The following ACAP3 variants were observed in gnomAD, a reference collection of about 807,000 sequenced individuals.
ACAP3 encodes arf-GAP with coiled-coil, ANK repeat and PH domain-containing protein 3.
ACAP3 carries 56 observed loss-of-function variants against 104.1 expected under a neutral mutation model. The ratio of observed to expected loss-of-function variants is 0.54; its 90% confidence interval spans 0.43 to 0.67. ACAP3 has a LOEUF of 0.67. Ranked by LOEUF, ACAP3 falls within the 30% of genes least tolerant of loss-of-function variation. The pLI, the probability that ACAP3 is intolerant of heterozygous loss-of-function variation, is 0.00. For missense variants in ACAP3, 1,208 were observed against 1,174.9 expected, an observed-to-expected ratio of 1.03 and a Z score of -0.41; for synonymous variants, 628 against 496.2, an observed-to-expected ratio of 1.27 and a Z score of -3.53.
intron 12 of ACAP3, 95 bp from the exon 13 acceptor site, chr1:1,298,208 C>CTT: frequency 6.4e-7 from 1 of 1,565,958 alleles, no homozygotes; most frequent in South Asian, 1.2e-5. Flanking sequence ...AGGCCGACTG[C>CTT]CTGAGCCCCA....
intron 11 of ACAP3, 26 bp from the exon 12 acceptor site, chr1:1,298,447 G>A (rs1292133412): frequency 1.3e-6 from 2 of 1,595,204 alleles, no homozygotes; most frequent in Admixed American, 1.7e-5. Flanking sequence ...GATGTGGGGA[G>A]TCAGGCGGGG....
At position 1,295,434 on chromosome 1, in the gene ACAP3, A is replaced by G. The variant is rs779263978; in HGVS notation, c.1813+13T>C. The stretch of plus-strand genomic sequence containing the variant: ...CCTGCCCTGCCACCTGGCTGGGCCC[A>G]CCCCACACTTACTGCGAGGGCCAGC... On this transcript the variant is annotated intron_variant, in intron 19 of 23. Coordinates refer to ENST00000354700, the MANE Select transcript of ACAP3 (RefSeq NM_030649.3). The G allele has an allele frequency of 1.1e-5, 18 of 1,611,006 alleles. No homozygotes were observed. The highest frequency in any genetic ancestry group is 1.5e-5 in the Non-Finnish European group (18 of 1,179,000).
chr1:1,292,893 T>C lies in ACAP3; in HGVS notation c.*671A>G, dbSNP rs900420154. 2.0e-5 allele frequency: 3 copies of C among 152,268 alleles called. No individual in the cohort carries two copies. The highest frequency in any genetic ancestry group is 2.9e-5 in the Non-Finnish European group (2 of 68,078). 9.4% of individuals were successfully genotyped at this position (152,268 alleles called of 1,614,324 possible). ...GCTGCAAAGTGGCAAAGTGGCTTTATGCGCAGGCTCTGGGCCGAGTACCAG... is the reference window on the plus strand; with the variant it reads ...GCTGCAAAGTGGCAAAGTGGCTTTACGCGCAGGCTCTGGGCCGAGTACCAG... On this transcript the variant is annotated 3_prime_UTR_variant, in exon 24 of 24. Transcript: ENST00000354700.
Position 1,295,505 on chromosome 1 carries a change from G to C in ACAP3, c.1755C>G (p.Asp585Glu). 1 of 1,612,644 alleles carries C rather than the reference G, an allele frequency of 6.2e-7. No homozygotes were observed. Among genetic ancestry groups the C allele is most frequent in the South Asian group, 1.1e-5 (1 of 91,076 alleles). The stretch of plus-strand genomic sequence containing the variant: ...AGTAGGAGAAGAGCGAGTCCAGCTC[G>C]TCGGGACAGAAGAGGGAGTCTCGGC... Reference protein sequence around the residue: ...KFRRDSLFCPDELDSLFSYFD... With the variant: ...KFRRDSLFCPEELDSLFSYFD... Residue 585 changes from aspartate (D) to glutamate (E), a missense_variant, in exon 19 of 24, where the codon GAC becomes GAG. Asp to Glu is a conservative substitution (Grantham distance 45, BLOSUM62 2). Coordinates refer to ENST00000354700, the MANE Select transcript of ACAP3 (RefSeq NM_030649.3).
In ACAP3 at chr1:1,303,582, G is replaced by A; in HGVS notation, c.106-301C>T. On this transcript the variant is annotated intron_variant, in intron 2 of 23. Transcript: ENST00000354700. This position sits in a 1 kb window ranked among gnomAD's most constrained non-coding sequence, Gnocchi z 4.0. The stretch of plus-strand genomic sequence containing the variant: ...CCATGTGGGGCTCATGGATAAGGCT[G>A]CCCACTCCCAGCTCCACGGCCTGTT... 1 of 509,162 alleles carries A rather than the reference G, an allele frequency of 2.0e-6. No individual in the cohort carries two copies. The highest frequency in any genetic ancestry group is 2.2e-5 in the South Asian group (1 of 44,702). 31.5% of individuals were successfully genotyped at this position (509,162 alleles called of 1,614,324 possible).
rs909244644 is a variant in ACAP3 at position 1,293,518 on chromosome 1, G to C, written c.*46C>G. 7.2e-7 allele frequency: 1 copy of C among 1,393,834 alleles called. No homozygotes were observed. The highest frequency in any genetic ancestry group is 9.2e-7 in the Non-Finnish European group (1 of 1,083,530). 86.3% of individuals were successfully genotyped at this position (1,393,834 alleles called of 1,614,324 possible). A position where few individuals can be genotyped will look rare whatever the true frequency, so the allele number is the denominator to read the frequency against. On this transcript the variant is annotated 3_prime_UTR_variant, in exon 24 of 24. Coordinates refer to ENST00000354700, the MANE Select transcript of ACAP3 (RefSeq NM_030649.3). ...GGGCGCCAGGGACTTCGGGGCATGC[G>C]GGGCGTCGGGCCGGGCGGGGTGGCA... is the stretch of plus-strand genomic sequence containing the variant.
chr1:1,305,303 G>A (rs753371932), intron 1 of ACAP3: 1 of 153,262 alleles, frequency 6.5e-6, no homozygotes, highest in Non-Finnish European at 1.5e-5. Context: ...TCGCTGTGGT[G>A]TCCGCTGACC....
At chr1:1,304,064 GC>G in intron 2 of ACAP3, 21 bp downstream of exon 2, 1 of 1,550,394 alleles carries the variant, frequency 6.4e-7, no homozygotes. Flanking sequence ...CGGGCACAGG[GC>G]GCTCCAGGCC....
intron 1 of ACAP3, 66 bp from the exon 2 acceptor site, chr1:1,304,209 C>A (rs1641581543): frequency 6.5e-7 from 1 of 1,536,550 alleles, no homozygotes; most frequent in Admixed American, 2.0e-5. Flanking sequence ...TTCACCTCCC[C>A]CCGCACCTCC....
rs114309902 is a variant in ACAP3, at chr1:1,306,783, C to T, written c.47+986G>A. ...TTCAAGGAGACACTGCACAGACACG[C>T]ATCAACATGTGTACCTAGTGATGGA... is the stretch of plus-strand genomic sequence containing the variant. On this transcript the variant is annotated intron_variant, in intron 1 of 23. Coordinates refer to ENST00000354700, the MANE Select transcript of ACAP3 (RefSeq NM_030649.3). Among the ~76,000 whole-genome samples the T allele has an allele frequency of 5.3e-3, 805 of 152,386 alleles. 4 individuals are homozygous for T. The highest frequency in any genetic ancestry group is 0.019 in the African/African-American group (783 of 41,594).
At chr1:1,298,765 G>T in intron 10 of ACAP3, 86 bp from the exon 11 acceptor site, 1 of 1,036,252 alleles carries the variant, frequency 9.7e-7, no homozygotes, top group Non-Finnish European at 1.5e-6. Flanking sequence ...GTGGGGGTGA[G>T]GTCCTTGTCT....
chr1:1,304,484 A>G, intron 1 of ACAP3: 1 of 452,024 alleles, frequency 2.2e-6, no homozygotes, highest in Non-Finnish European at 4.1e-6. Context: ...CTAGGAGTTC[A>G]GAGTCAACCC....
In ACAP3 at chr1:1,295,544, C is replaced by T; in HGVS notation, c.1716G>A (p.Leu572=). ...GGGAGTCTCGGCGGAACTTACGATC[C>T]AGGGTGCCCACTGCAGGGGCAGTGC... ...CVAALSSVGT[L]DRKFRRDSLF... is the part of the protein sequence containing the mutation. The change falls in exon 19 of 24, where the codon CTG becomes CTA. Residue 572 remains leucine (L), a synonymous_variant. Transcript: ENST00000354700. 2 of 1,612,550 alleles carry T rather than the reference C, an allele frequency of 1.2e-6. No homozygotes were observed. The highest frequency in any genetic ancestry group is 1.7e-6 in the Non-Finnish European group (2 of 1,179,856).
chr1:1,304,783 G>C (rs143249917), intron 1 of ACAP3: 2 of 152,982 alleles, frequency 1.3e-5, no homozygotes, highest in Non-Finnish European at 2.9e-5. Context: ...TGCCTGGGGA[G>C]AGAAGAGTTA....
Position 1,296,294 on chromosome 1 carries a change from G to C in ACAP3, c.1338-14C>G. On this transcript the variant is annotated splice_polypyrimidine_tract_variant and intron_variant, in intron 15 of 23. Transcript: ENST00000354700. The stretch of plus-strand genomic sequence containing the variant: ...ACACCCAGGCTCCTGGAGAGCAGAG[G>C]TAGGGATGAGTCTGGGGGAGGCAAG... 6.4e-7 allele frequency: 1 copy of C among 1,553,666 alleles called. No individual in the cohort carries two copies. Among genetic ancestry groups the C allele is most frequent in the Non-Finnish European group, 8.7e-7 (1 of 1,148,862 alleles).
At position 1,300,675 on chromosome 1, in the gene ACAP3, T is replaced by C; in HGVS notation, c.356A>G (p.Lys119Arg). 2 of 1,608,048 alleles carry C rather than the reference T, an allele frequency of 1.2e-6. No homozygotes were observed. Among genetic ancestry groups the C allele is most frequent in the Admixed American group, 1.7e-5 (1 of 58,964 alleles). Residue 119 changes from lysine to arginine, a missense_variant, in exon 6 of 24, where the codon AAG becomes AGG. Lys to Arg is a conservative substitution (Grantham distance 26). Transcript: ENST00000354700. ...CTTGTCAAACTGCTTCTTTGTCTCC[T>C]TGAACTTCCGCACATCCCTGGAGGC... ...SFVKEDVRKF[K>R]ETKKQFDKVR...
chr1:1,307,284 C>A (rs1641772399), intron 1 of ACAP3: 23 of 1,288,776 alleles, frequency 1.8e-5, no homozygotes, highest in Non-Finnish European at 2.1e-5. Flanking sequence ...TCGGCCGCCA[C>A]CCCTCCAAGC....
Position 1,300,003 on chromosome 1 carries a change from C to T in ACAP3, c.633G>A (p.Leu211=). ...FQQGYSLLHQ[L]DPYMKKLAAE... is the part of the protein sequence containing the mutation. ...CTGCCAGCTTCTTCATGTAGGGGTC[C>T]AGCTGGTGCAGGAGGCTGTAGCCCT... Residue 211 remains leucine (L), a synonymous_variant, in exon 8 of 24, where the codon CTG becomes CTA. Transcript: ENST00000354700. The T allele has an allele frequency of 1.2e-6, 2 of 1,612,234 alleles. No homozygotes were observed. The highest frequency in any genetic ancestry group is 1.7e-6 in the Non-Finnish European group (2 of 1,179,636).
At position 1,294,703 on chromosome 1, in the gene ACAP3, C is replaced by T. The variant is rs1444255542; in HGVS notation, c.1912+15G>A. On this transcript the variant is annotated intron_variant, in intron 20 of 23. Transcript: ENST00000354700. ...GCTGGGCAGGGGCCTCGGGCGAGGG[C>T]AAGACGCCACCCACCCTCCTCAGTG... The T allele has an allele frequency of 1.3e-6, 2 of 1,548,822 alleles. No individual in the cohort carries two copies. The highest frequency in any genetic ancestry group is 1.7e-6 in the Non-Finnish European group (2 of 1,146,198).
Sources: gnomAD v4.1 joint callset for allele counts (sites outside exome capture counted in the v4.1 genomes callset) on GRCh38, gnomAD v4.1.1 for gene constraint, Gnocchi (gnomAD v3.1) non-coding constraint, MANE v1.5 for transcripts, NCBI Gene and HGNC (gene_info 2026-07-23, HGNC 2026-07-21) for gene names.